The following MYO18A variants were observed in gnomAD, a reference collection of about 807,000 sequenced individuals.
MYO18A encodes unconventional myosin-XVIIIa.
MYO18A carries 78 observed loss-of-function variants against 235.8 expected under a neutral mutation model. That is an observed-to-expected ratio of 0.33 (90% CI 0.28 to 0.40). The LOEUF (loss-of-function observed/expected upper bound fraction) is 0.40, where lower values mean the gene tolerates loss of function less well. Ranked by LOEUF, MYO18A falls within the 10% of genes least tolerant of loss-of-function variation. The pLI is 1.00. For missense variants in MYO18A, 2,215 were observed against 2,699.3 expected (o/e 0.82, Z 3.98); for synonymous variants, 977 against 1,077.8 (o/e 0.91, Z 1.83).
chr17:29,122,326 C>A, intron 2 of MYO18A, 73 bp from the exon 3 acceptor site: 1 of 1,384,644 alleles, frequency 7.2e-7, no homozygotes, highest in Non-Finnish European at 1.0e-6. Flanking sequence ...AGAGGGGAGA[C>A]AAGTGAGGGC....
intron 41 of MYO18A, chr17:29,081,106 G>T: frequency 4.5e-6 from 3 of 667,396 alleles, no homozygotes; most frequent in African/African-American, 2.0e-5. Flanking sequence ...TAAACTCAGA[G>T]AATAAAGACA....
rs1409692568 is a variant in MYO18A at position 29,126,910 on chromosome 17, GC to G, written c.1000-4658del. 1.3e-5 allele frequency among the ~76,000 whole-genome samples: 2 copies of G among 152,152 alleles called. No individual in the cohort carries two copies. Among genetic ancestry groups the G allele is most frequent in the African/African-American group, 2.4e-5 (1 of 41,434 alleles). ...TAGGGTTGCCCCTATATCCCAAGGG[GC>G]CCACTGTACCCATCTGCCATCCAAG... On this transcript the variant is annotated intron_variant, in intron 2 of 41. Transcript: ENST00000527372. The surrounding 1 kb of genome is among the most constrained non-coding windows in gnomAD (Gnocchi z 4.1).
At chr17:29,107,030 T>G in intron 20 of MYO18A, 50 bp downstream of exon 20, 1 of 1,558,548 alleles carries the variant, frequency 6.4e-7, no homozygotes, top group East Asian at 2.2e-5. Flanking sequence ...AAAGGGCAGC[T>G]GCTTGAGGGG....
intron 38 of MYO18A, 67 bp from the exon 39 acceptor site, chr17:29,086,644 C>T (rs1353746477): frequency 6.4e-7 from 1 of 1,566,226 alleles, no homozygotes; most frequent in African/African-American, 1.4e-5. Flanking sequence ...CAGAAGAAGC[C>T]TGCTTCAAGT....
At chr17:29,133,412 T>C (rs1179935707) in intron 2 of MYO18A, among the ~76,000 whole-genome samples, 6 of 152,316 alleles carry the variant, frequency 3.9e-5, no homozygotes, top group Middle Eastern at 3.4e-3. Flanking sequence ...CTTGTCCTCC[T>C]AACCCACTGC....
At chr17:29,107,241 C>A in intron 19 of MYO18A, 52 bp from the exon 20 acceptor site, 1 of 1,544,916 alleles carries the variant, frequency 6.5e-7, no homozygotes, top group Non-Finnish European at 8.9e-7. Context: ...GCTCCCAGCA[C>A]ACCCCAGTAG....
intron 19 of MYO18A, 67 bp from the exon 20 acceptor site, chr17:29,107,256 T>A (rs969989031): frequency 6.8e-7 from 1 of 1,463,608 alleles, no homozygotes; most frequent in Non-Finnish European, 9.6e-7. Context: ...CAGTAGCCAC[T>A]GTGCCTGGGC....
intron 2 of MYO18A, among the ~76,000 whole-genome samples, chr17:29,161,355 CAAAAAAAAAAAA>C (rs1175565325): frequency 1.2e-3 from 59 of 50,332 alleles, no homozygotes; most frequent in African/African-American, 3.8e-3. Context: ...AACTCCATGT[CAAAAAAAAAAAA>C]AAAAAAAAAA....
At chr17:29,163,288 C>T (rs992100129) in intron 2 of MYO18A, among the ~76,000 whole-genome samples, 5 of 152,164 alleles carry the variant, frequency 3.3e-5, no homozygotes, top group East Asian at 1.9e-4. Flanking sequence ...CAGCACCCCA[C>T]GCCACTCCCA....
chr17:29,136,167 T>C (rs2067592005), intron 2 of MYO18A, among the ~76,000 whole-genome samples: 1 of 149,422 alleles, frequency 6.7e-6, no homozygotes, highest in Non-Finnish European at 1.5e-5. Flanking sequence ...AGGCAGAGGT[T>C]GTAGTGAGCA....
chr17:29,144,994 A>G (rs187550396), intron 2 of MYO18A, among the ~76,000 whole-genome samples: 8 of 152,300 alleles, frequency 5.3e-5, no homozygotes, highest in Admixed American at 2.0e-4. Context: ...AAAACACACA[A>G]AATATTATTT....
chr17:29,091,302 C>T (rs1261479803), intron 34 of MYO18A: 1 of 322,080 alleles, frequency 3.1e-6, no homozygotes, highest in Non-Finnish European at 6.0e-6. Context: ...AGGGAAGGAC[C>T]CCTCAAGTCT....
chr17:29,129,433 A>G (rs1482104888), intron 2 of MYO18A, among the ~76,000 whole-genome samples: 1 of 151,994 alleles, frequency 6.6e-6, no homozygotes, highest in African/African-American at 2.4e-5. Flanking sequence ...CCCTTCCCCC[A>G]CACACTGGTG....
intron 1 of MYO18A, among the ~76,000 whole-genome samples, chr17:29,171,674 C>T (rs2068406999): frequency 6.6e-6 from 1 of 151,590 alleles, no homozygotes; most frequent in South Asian, 2.1e-4. Context: ...ACGGGCAGAT[C>T]GCTTGAGCTC....
At chr17:29,110,340 C>G in intron 18 of MYO18A, 96 bp downstream of exon 18, 1 of 1,399,788 alleles carries the variant, frequency 7.1e-7, no homozygotes, top group East Asian at 2.5e-5. Context: ...TGAGTGGGCA[C>G]CAGATGGCCT....
At chr17:29,170,070 A>C (rs1186066121) in intron 1 of MYO18A, among the ~76,000 whole-genome samples, 1 of 151,938 alleles carries the variant, frequency 6.6e-6, no homozygotes, top group Admixed American at 6.6e-5. Flanking sequence ...TCGCTGGGGG[A>C]CCTTGAGCCT....
chr17:29,085,411 G>A (rs1190596850), intron 40 of MYO18A, among the ~76,000 whole-genome samples, 193 bp downstream of exon 40: 1 of 152,208 alleles, frequency 6.6e-6, no homozygotes, highest in Non-Finnish European at 1.5e-5. Flanking sequence ...CTTCTGGGGA[G>A]CACACCTCAT....
rs752460096 is a variant in MYO18A at position 29,174,518 on chromosome 17, T to TA, written c.-82+5794dup. ...ATTATGTCTCAAAAAATAAAAAAAA[T>TA]AAAAAAAAATAAAATGCTGGGCATG... On this transcript the variant is annotated intron_variant, in intron 1 of 41. Transcript: ENST00000527372. Among the ~76,000 whole-genome samples, 23 of 150,116 alleles carry TA rather than the reference T, an allele frequency of 1.5e-4. No homozygotes were observed. In the East Asian group the frequency reaches 1.8e-3, roughly 12 times the overall value.
Position 29,090,089 on chromosome 17 carries a change from G to A in MYO18A, c.5398C>T (p.Leu1800Phe). ...TCCAGGAACTCCACCTGGCTCTGGAGGGCTTGTAGCTAGAGGTGGGGGACA... is the reference window on the plus strand; with the variant it reads ...TCCAGGAACTCCACCTGGCTCTGGAAGGCTTGTAGCTAGAGGTGGGGGACA... Reference protein sequence around the residue: ...KQELQEKLQALQSQVEFLEQS... With the variant: ...KQELQEKLQAFQSQVEFLEQS... The change falls in exon 37 of 42, where the codon CTC (leucine) becomes TTC (phenylalanine). Residue 1800 changes from leucine to phenylalanine, a missense_variant. Coordinates refer to ENST00000527372, the MANE Select transcript of MYO18A (RefSeq NM_078471.4). The A allele has an allele frequency of 6.2e-7, 1 of 1,612,740 alleles. No individual in the cohort carries two copies. The highest frequency in any genetic ancestry group is 8.5e-7 in the Non-Finnish European group (1 of 1,179,278).
Sources: gnomAD v4.1 joint callset for allele counts (sites outside exome capture counted in the v4.1 genomes callset) on GRCh38, gnomAD v4.1.1 for gene constraint, Gnocchi (gnomAD v3.1) non-coding constraint, MANE v1.5 for transcripts, NCBI Gene and HGNC (gene_info 2026-07-23, HGNC 2026-07-21) for gene names.